IPMK: variants seen among roughly 807,000 people sequenced by gnomAD.
IPMK encodes the protein inositol 1,3,4,6-tetrakisphosphate 5-kinase.
IPMK carries 17 observed loss-of-function variants against 45.8 expected under a neutral mutation model. That is an observed-to-expected ratio of 0.37 (90% CI 0.25 to 0.56). IPMK has a LOEUF of 0.56. Ranked by LOEUF, IPMK falls within the 20% of genes least tolerant of loss-of-function variation. IPMK has a pLI of 0.79. For synonymous variants in IPMK, 180 were observed against 184.3 expected (o/e 0.98, Z 0.19); for missense variants, 399 against 498.0 (o/e 0.80, Z 1.89).
chr10:58,256,934 A>G (rs2132177929), intron 1 of IPMK, among the ~76,000 whole-genome samples: 1 of 152,306 alleles, frequency 6.6e-6, no homozygotes, highest in African/African-American at 2.4e-5. Context: ...GCATGTTGGC[A>G]CATGCCTATG....
At chr10:58,231,568 A>C (rs553232976) in intron 2 of IPMK, among the ~76,000 whole-genome samples, 3 of 152,328 alleles carry the variant, frequency 2.0e-5, no homozygotes, top group Admixed American at 2.0e-4. Context: ...TTTCATATCC[A>C]GCCAAACTAA....
intron 1 of IPMK, among the ~76,000 whole-genome samples, chr10:58,252,285 G>A (rs986306039): frequency 3.3e-5 from 5 of 151,990 alleles, no homozygotes; most frequent in East Asian, 3.9e-4. Flanking sequence ...TATCACCCCC[G>A]GTACTTTGAC....
intron 1 of IPMK, among the ~76,000 whole-genome samples, chr10:58,246,834 C>T (rs898300651): frequency 2.6e-5 from 4 of 151,826 alleles, no homozygotes; most frequent in East Asian, 3.9e-4. Flanking sequence ...AGCTTCTGCA[C>T]AGCAAAAGAC....
At chr10:58,233,519 T>C (rs544440859) in intron 2 of IPMK, among the ~76,000 whole-genome samples, 40 of 152,272 alleles carry the variant, frequency 2.6e-4, no homozygotes, top group African/African-American at 8.4e-4. Flanking sequence ...TGGTTTAACA[T>C]ACGCAAATCA....
chr10:58,214,261 A>G (rs1022783927), intron 4 of IPMK, among the ~76,000 whole-genome samples: 1 of 152,182 alleles, frequency 6.6e-6, no homozygotes, highest in Admixed American at 6.5e-5. Context: ...AAATTCTTCA[A>G]TGTGACGGGA....
intron 4 of IPMK, among the ~76,000 whole-genome samples, chr10:58,202,284 T>C (rs1838009174): frequency 1.3e-5 from 2 of 152,158 alleles, no homozygotes; most frequent in African/African-American, 4.8e-5. Context: ...GCTTCAACGC[T>C]TCAAAGGACA....
rs199745750 is a variant in IPMK at position 58,223,640 on chromosome 10, C to T, written c.373+3403G>A. 2.2e-4 allele frequency among the ~76,000 whole-genome samples: 33 copies of T among 152,212 alleles called. No homozygotes were observed. In the East Asian group the frequency reaches 5.0e-3, roughly 23 times the overall value. On this transcript the variant is annotated intron_variant, in intron 3 of 5. Coordinates refer to ENST00000373935, the MANE Select transcript of IPMK (RefSeq NM_152230.5). Reference sequence around the variant, plus strand: ...AAAAGCCAGATGAAGAACCACTGCTCGATTATGAAGCCAACTGGAAAAACA... The same window carrying T: ...AAAAGCCAGATGAAGAACCACTGCTTGATTATGAAGCCAACTGGAAAAACA...
At chr10:58,245,751 G>C (rs925873374) in intron 1 of IPMK, among the ~76,000 whole-genome samples, 20 of 151,460 alleles carry the variant, frequency 1.3e-4, no homozygotes, top group African/African-American at 4.1e-4. Context: ...CACAAGACAG[G>C]GATGCCCTCT....
intron 1 of IPMK, among the ~76,000 whole-genome samples, chr10:58,243,345 G>T (rs1248362807): frequency 6.6e-6 from 1 of 152,148 alleles, no homozygotes; most frequent in Admixed American, 6.5e-5. Flanking sequence ...ACAATAGAAT[G>T]TCACTGCCTT....
At chr10:58,208,646 T>C (rs1368162153) in intron 4 of IPMK, among the ~76,000 whole-genome samples, 1 of 152,240 alleles carries the variant, frequency 6.6e-6, no homozygotes, top group African/African-American at 2.4e-5. Flanking sequence ...CTTTCCCTAA[T>C]GCTGGCTATA....
intron 2 of IPMK, among the ~76,000 whole-genome samples, chr10:58,231,997 T>C (rs746514047): frequency 6.6e-6 from 1 of 151,262 alleles, no homozygotes; most frequent in Non-Finnish European, 1.5e-5. Context: ...ACCAAGCAAA[T>C]GGAAAGCAAA....
chr10:58,264,720 AAT>A (rs1390556183), intron 1 of IPMK, among the ~76,000 whole-genome samples: 2 of 152,218 alleles, frequency 1.3e-5, no homozygotes, highest in African/African-American at 4.8e-5. Context: ...TGATTACAGA[AAT>A]AGTTAAATAA....
chr10:58,255,150 A>T lies in IPMK; in HGVS notation c.190+12272T>A, dbSNP rs187509503. On this transcript the variant is annotated intron_variant, in intron 1 of 5. Coordinates refer to ENST00000373935, the MANE Select transcript of IPMK (RefSeq NM_152230.5). ...TCTATGGCATCAGCCAGTCTCTTCA[A>T]CGTGGTTTCCCAGGTGATTGGAGTA... is the stretch of plus-strand genomic sequence containing the variant. 2.6e-5 allele frequency among the ~76,000 whole-genome samples: 4 copies of T among 152,302 alleles called. No individual in the cohort carries two copies. In the East Asian group the frequency reaches 7.7e-4, roughly 29 times the overall value.
intron 1 of IPMK, among the ~76,000 whole-genome samples, chr10:58,253,849 A>C (rs767057960): frequency 6.6e-6 from 1 of 152,010 alleles, no homozygotes; most frequent in East Asian, 1.9e-4. Context: ...TCCTTCGAAT[A>C]TAGCACTCCA....
intron 1 of IPMK, among the ~76,000 whole-genome samples, chr10:58,255,516 G>C (rs1226242792): frequency 6.6e-6 from 1 of 152,102 alleles, no homozygotes; most frequent in Non-Finnish European, 1.5e-5. Context: ...ATTCTCCCCT[G>C]GGCTCTGGTG....
chr10:58,257,747 G>C (rs1339257624), intron 1 of IPMK, among the ~76,000 whole-genome samples: 3 of 152,080 alleles, frequency 2.0e-5, no homozygotes, highest in East Asian at 3.9e-4. Context: ...TGCAATTATT[G>C]CTCATAAGAA....
intron 5 of IPMK, among the ~76,000 whole-genome samples, chr10:58,197,681 A>T (rs1588949780): frequency 7.3e-6 from 1 of 136,418 alleles, no homozygotes; most frequent in African/African-American, 3.0e-5. Flanking sequence ...AAAAAAAAAA[A>T]AAAGAAATAG....
At chr10:58,199,134 G>A (rs1432516259) in intron 5 of IPMK, 106 bp downstream of exon 5, 1 of 633,122 alleles carries the variant, frequency 1.6e-6, no homozygotes. Context: ...TTTAAAAAAT[G>A]TTTATTATGA....
At chr10:58,265,377 T>TTCAA (rs1284508229) in intron 1 of IPMK, among the ~76,000 whole-genome samples, 5 of 152,186 alleles carry the variant, frequency 3.3e-5, no homozygotes, top group Non-Finnish European at 1.5e-5. Context: ...TGAGAATTAT[T>TTCAA]TCAATTGACA....
Sources: gnomAD v4.1 joint callset for allele counts (sites outside exome capture counted in the v4.1 genomes callset) on GRCh38, gnomAD v4.1.1 for gene constraint, MANE v1.5 for transcripts, NCBI Gene and HGNC (gene_info 2026-07-23, HGNC 2026-07-21) for gene names.